Variants in MACROD2 observed in about 807,000 individuals in gnomAD.
MACROD2 encodes the protein ADP-ribose glycohydrolase MACROD2.
Under a neutral mutation model 70.4 loss-of-function variants are expected in MACROD2, and 36 were observed. That is an observed-to-expected ratio of 0.51 (90% CI 0.39 to 0.68). The LOEUF (loss-of-function observed/expected upper bound fraction) is 0.68. Among genes scored for constraint, MACROD2 ranks in the 30% least tolerant of loss-of-function variants. The pLI is 0.00. For missense variants in MACROD2, 496 were observed against 538.4 expected, an observed-to-expected ratio of 0.92 and a Z score of 0.78; for synonymous variants, 172 against 178.8, an observed-to-expected ratio of 0.96 and a Z score of 0.30.
chr20:15,841,379 G>T (rs1600979960), intron 8 of MACROD2, among the ~76,000 whole-genome samples: 2 of 152,250 alleles, frequency 1.3e-5, no homozygotes, highest in Admixed American at 1.3e-4. Flanking sequence ...TAAAAGAAAA[G>T]AGGTTTACTT....
chr20:14,262,682 G>C (rs554143891), intron 3 of MACROD2, among the ~76,000 whole-genome samples: 119 of 152,274 alleles, frequency 7.8e-4, no homozygotes, highest in Non-Finnish European at 1.0e-3. Context: ...AGAGGTAGGA[G>C]AGGGAGTGGT....
chr20:14,570,716 A>G (rs1980135344), intron 4 of MACROD2, among the ~76,000 whole-genome samples: 2 of 152,014 alleles, frequency 1.3e-5, no homozygotes, highest in South Asian at 2.1e-4. Flanking sequence ...TCCTTAGAAC[A>G]CTAAGGAAGA....
At chr20:14,435,370 T>G (rs2084044781) in intron 3 of MACROD2, among the ~76,000 whole-genome samples, 1 of 152,150 alleles carries the variant, frequency 6.6e-6, no homozygotes, top group African/African-American at 2.4e-5. Flanking sequence ...AAGACCCTTT[T>G]TCCAATTAAA....
chr20:15,115,906 C>T (rs2075988358), intron 5 of MACROD2, among the ~76,000 whole-genome samples: 2 of 152,004 alleles, frequency 1.3e-5, no homozygotes, highest in Non-Finnish European at 2.9e-5. Context: ...TCTTGATCTT[C>T]AAAGTGAGTG....
chr20:14,170,715 A>G (rs1228418686), intron 3 of MACROD2, among the ~76,000 whole-genome samples: 1 of 152,174 alleles, frequency 6.6e-6, no homozygotes, highest in Non-Finnish European at 1.5e-5. Context: ...ATGGTGGATT[A>G]TCTTTCTGAT....
chr20:14,289,666 C>T (rs1335609593), intron 3 of MACROD2, among the ~76,000 whole-genome samples: 23 of 152,132 alleles, frequency 1.5e-4, no homozygotes, highest in Admixed American at 1.5e-3. Flanking sequence ...CTCAGCCTCC[C>T]AGGTTGCTGG....
intron 5 of MACROD2, among the ~76,000 whole-genome samples, chr20:15,110,738 A>G (rs2123219709): frequency 6.6e-6 from 1 of 152,312 alleles, no homozygotes. Context: ...GTCTCTGAAC[A>G]TGGAGAGGAG....
rs532624165 is a variant in MACROD2, at chr20:15,842,586, A to G, written c.646-20159A>G. 1.2e-3 allele frequency among the ~76,000 whole-genome samples: 177 copies of G among 150,460 alleles called. 8 individuals are homozygous for G. In the South Asian group the frequency reaches 0.036, roughly 31 times the overall value. On this transcript the variant is annotated intron_variant, in intron 8 of 17. Coordinates refer to ENST00000684519, the MANE Select transcript of MACROD2 (RefSeq NM_001351661.2). The stretch of plus-strand genomic sequence containing the variant: ...AATATCAGAAACCACAAAAAGCATC[A>G]TGTTGGTTGCATTGCTATTTGAACA...
Position 15,017,501 on chromosome 20 carries a change from C to A in MACROD2, c.419-212439C>A, listed in dbSNP as rs144015909. Reference sequence around the variant, plus strand: ...GCAAGCTGTCAGTGGATCTGCCATTCTGGGGTCTGGAGGACGGTGGTCCTC... The same window carrying A: ...GCAAGCTGTCAGTGGATCTGCCATTATGGGGTCTGGAGGACGGTGGTCCTC... On this transcript the variant is annotated intron_variant, in intron 5 of 17. Transcript: ENST00000684519. Among the ~76,000 whole-genome samples, 785 of 152,244 alleles carry A rather than the reference C, an allele frequency of 5.2e-3. 7 individuals are homozygous for A. Among genetic ancestry groups the A allele is most frequent in the African/African-American group, 0.018 (743 of 41,546 alleles).
chr20:14,862,013 A>ATT (rs2073328129), intron 5 of MACROD2, among the ~76,000 whole-genome samples: 1 of 25,904 alleles, frequency 3.9e-5, no homozygotes, highest in Non-Finnish European at 6.4e-5. Flanking sequence ...ATTTATATAT[A>ATT]TATATTTATA....
At chr20:14,651,667 G>A (rs908304537) in intron 4 of MACROD2, among the ~76,000 whole-genome samples, 1 of 152,202 alleles carries the variant, frequency 6.6e-6, no homozygotes, top group Non-Finnish European at 1.5e-5. Context: ...AAGTTCAAGT[G>A]TGAGAAAGCC....
intron 6 of MACROD2, among the ~76,000 whole-genome samples, chr20:15,285,948 T>G (rs2077487253): frequency 6.6e-6 from 1 of 152,176 alleles, no homozygotes; most frequent in African/African-American, 2.4e-5. Context: ...AAAAGTATCA[T>G]AAATTATTTT....
At chr20:14,273,907 A>C (rs1181894426) in intron 3 of MACROD2, among the ~76,000 whole-genome samples, 2 of 152,212 alleles carry the variant, frequency 1.3e-5, no homozygotes, top group South Asian at 2.1e-4. Flanking sequence ...GAAATGGATA[A>C]ATTCCTCGAC....
chr20:14,390,393 ATTT>A (rs1377905330), intron 3 of MACROD2, among the ~76,000 whole-genome samples: 1 of 152,202 alleles, frequency 6.6e-6, no homozygotes, highest in Non-Finnish European at 1.5e-5. Context: ...GAAAAAAACT[ATTT>A]TAAAATTTAT....
At chr20:15,393,339 C>CT (rs971423919) in intron 6 of MACROD2, among the ~76,000 whole-genome samples, 2 of 152,206 alleles carry the variant, frequency 1.3e-5, no homozygotes, top group African/African-American at 2.4e-5. Context: ...AACTCAACAT[C>CT]TTTTTCTCAA....
At chr20:14,929,660 C>A (rs1198149181) in intron 5 of MACROD2, 1 of 152,136 alleles carries the variant, frequency 6.6e-6, no homozygotes, top group Non-Finnish European at 1.5e-5. Flanking sequence ...AAAATTCCAA[C>A]CTTTTAGTCA....
At chr20:14,352,999 G>A (rs2083138540) in intron 3 of MACROD2, among the ~76,000 whole-genome samples, 1 of 152,040 alleles carries the variant, frequency 6.6e-6, no homozygotes. Flanking sequence ...TCAATTTGAT[G>A]GTATTTTCCA....
At position 15,822,078 on chromosome 20, in the gene MACROD2, GA is replaced by G. The variant is rs377188585; in HGVS notation, c.646-40661del. ...GTTTCACTTTTAGTCAAGAAGCATT[GA>G]AAAAACAAGTAGCCTCATTAATCAT... is the stretch of plus-strand genomic sequence containing the variant. On this transcript the variant is annotated intron_variant, in intron 8 of 17. Transcript: ENST00000684519. 9.9e-4 allele frequency among the ~76,000 whole-genome samples: 150 copies of G among 152,188 alleles called. 3 individuals are homozygous for G. The East Asian group carries it at 0.026, about 27-fold the overall frequency.
intron 8 of MACROD2, among the ~76,000 whole-genome samples, chr20:15,649,054 T>C (rs974833135): frequency 2.0e-5 from 3 of 148,560 alleles, no homozygotes; most frequent in Non-Finnish European, 4.5e-5. Context: ...CTTTCTTTGC[T>C]TTTTTCTTTT....
Sources: allele counts gnomAD v4.1 joint callset (sites outside exome capture counted in the v4.1 genomes callset), GRCh38; gene constraint gnomAD v4.1.1; transcripts MANE v1.5; gene names NCBI Gene and HGNC (gene_info 2026-07-23, HGNC 2026-07-21).